Variants in CADM1 observed in about 807,000 individuals in gnomAD.
CADM1 encodes TSLC-1.
In CADM1, 15 loss-of-function variants were observed where a neutral mutation model predicts 53.1. The observed-to-expected ratio is 0.28, with a 90% CI of 0.19 to 0.44. The LOEUF is 0.44. Ranked by LOEUF, CADM1 falls within the 20% of genes least tolerant of loss-of-function variation. CADM1 has a pLI of 1.00. For synonymous variants in CADM1, 281 were observed against 243.0 expected (o/e 1.16, Z -1.45); for missense variants, 434 against 611.3 (o/e 0.71, Z 3.06).
intron 1 of CADM1, among the ~76,000 whole-genome samples, chr11:115,449,753 C>T (rs1418895056): frequency 6.6e-6 from 1 of 152,126 alleles, no homozygotes; most frequent in East Asian, 1.9e-4. Context: ...AAGCCAATGT[C>T]TAACAGAGGA....
intron 1 of CADM1, among the ~76,000 whole-genome samples, chr11:115,305,724 C>T (rs191678966): frequency 3.8e-4 from 58 of 151,756 alleles, no homozygotes; most frequent in African/African-American, 1.4e-3. Flanking sequence ...TGGGCAACAG[C>T]CTTAGAATTC....
chr11:115,486,642 G>C (rs1450154200), intron 1 of CADM1, among the ~76,000 whole-genome samples: 17 of 152,158 alleles, frequency 1.1e-4, no homozygotes, highest in Admixed American at 1.0e-3. Context: ...ATAGTACCTG[G>C]CCTTGAATTT....
chr11:115,400,632 CATAT>C (rs1325517009), intron 1 of CADM1, among the ~76,000 whole-genome samples: 7 of 81,778 alleles, frequency 8.6e-5, no homozygotes, highest in African/African-American at 3.7e-4. Context: ...ATATATGTAT[CATAT>C]ATATGTGTGT....
intron 1 of CADM1, among the ~76,000 whole-genome samples, chr11:115,339,629 T>C (rs1945370653): frequency 1.3e-5 from 2 of 152,212 alleles, no homozygotes; most frequent in Non-Finnish European, 2.9e-5. Context: ...TAGTTTTCAT[T>C]TTTAACATGT....
rs1441198377 is a variant in CADM1, at chr11:115,292,584, C to A, written c.125-52164G>T. Among the ~76,000 whole-genome samples the A allele has an allele frequency of 2.0e-5, 3 of 152,086 alleles. No homozygotes were observed. The East Asian group carries it at 5.8e-4, about 29-fold the overall frequency. On this transcript the variant is annotated intron_variant, in intron 1 of 11. Transcript: ENST00000331581. ...TAAAAATTCAGAGATGACAAAGTTTCTCCTGAAATAATAATAATCTACACT... is the reference window on the plus strand; with the variant it reads ...TAAAAATTCAGAGATGACAAAGTTTATCCTGAAATAATAATAATCTACACT...
chr11:115,322,500 C>A (rs1944849960), intron 1 of CADM1, among the ~76,000 whole-genome samples: 1 of 152,204 alleles, frequency 6.6e-6, no homozygotes, highest in Admixed American at 6.5e-5. Context: ...ACTATCACTA[C>A]TATCTAATTT....
intron 1 of CADM1, among the ~76,000 whole-genome samples, chr11:115,302,341 G>A (rs1944248691): frequency 6.6e-6 from 1 of 152,048 alleles, no homozygotes; most frequent in African/African-American, 2.4e-5. Context: ...GTCATTATGT[G>A]AAATAGAATT....
chr11:115,334,985 C>T (rs1945230035), intron 1 of CADM1, among the ~76,000 whole-genome samples: 1 of 152,078 alleles, frequency 6.6e-6, no homozygotes, highest in Admixed American at 6.6e-5. Flanking sequence ...GAAATCTGAA[C>T]TTATATCTTT....
intron 1 of CADM1, among the ~76,000 whole-genome samples, chr11:115,310,402 G>A (rs559495926): frequency 2.1e-4 from 32 of 152,138 alleles, no homozygotes; most frequent in African/African-American, 6.5e-4. Flanking sequence ...TGTTATCAAG[G>A]AATTCTTCAT....
chr11:115,458,525 T>C (rs1338009298), intron 1 of CADM1, among the ~76,000 whole-genome samples: 1 of 147,402 alleles, frequency 6.8e-6, no homozygotes, highest in Non-Finnish European at 1.5e-5. Flanking sequence ...ATTATTATTA[T>C]TATTATTACA....
At chr11:115,499,866 A>G (rs1949694539) in intron 1 of CADM1, among the ~76,000 whole-genome samples, 1 of 152,256 alleles carries the variant, frequency 6.6e-6, no homozygotes. Flanking sequence ...TACATTTTCT[A>G]TTACATAATT....
At position 115,317,413 on chromosome 11, in the gene CADM1, G is replaced by A. The variant is rs184871204; in HGVS notation, c.125-76993C>T. Among the ~76,000 whole-genome samples the A allele has an allele frequency of 1.6e-3, 240 of 152,218 alleles. 3 individuals carry two copies. Among genetic ancestry groups the A allele is most frequent in the East Asian group, 3.1e-3 (16 of 5,180 alleles). ...ACTGTGAACAACCAATGCCCTACAC[G>A]AAGGAACATTTATCACACTAACACG... is the stretch of plus-strand genomic sequence containing the variant. On this transcript the variant is annotated intron_variant, in intron 1 of 11. Transcript: ENST00000331581.
At chr11:115,444,735 A>G (rs537196490) in intron 1 of CADM1, among the ~76,000 whole-genome samples, 1 of 152,324 alleles carries the variant, frequency 6.6e-6, no homozygotes, top group South Asian at 2.1e-4. Context: ...ATATTGTGAA[A>G]TTAAATCGCT....
chr11:115,194,867 C>T (rs768059891), intron 9 of CADM1, among the ~76,000 whole-genome samples: 8 of 152,184 alleles, frequency 5.3e-5, no homozygotes, highest in East Asian at 3.9e-4. Context: ...GACACAGAAG[C>T]GCCCACATAT....
At chr11:115,424,308 C>G (rs1947833115) in intron 1 of CADM1, among the ~76,000 whole-genome samples, 1 of 152,184 alleles carries the variant, frequency 6.6e-6, no homozygotes, top group African/African-American at 2.4e-5. Context: ...CTGACAAGCA[C>G]AGAAAGTACT....
chr11:115,219,782 G>T (rs1416663257), intron 5 of CADM1, among the ~76,000 whole-genome samples: 3 of 152,160 alleles, frequency 2.0e-5, no homozygotes, highest in Admixed American at 6.5e-5. Flanking sequence ...GGCATCAGGT[G>T]TGGGTTTATT....
chr11:115,236,858 A>G (rs1942028820), intron 3 of CADM1, among the ~76,000 whole-genome samples: 1 of 152,134 alleles, frequency 6.6e-6, no homozygotes, highest in South Asian at 2.1e-4. Flanking sequence ...GAATTCTAAG[A>G]TTTTTGGTTC....
In CADM1 at chr11:115,278,768, C is replaced by T. The variant is rs149692779; in HGVS notation, c.125-38348G>A. ...TGGAGCATTGCCAGGCAAGTCAATG[C>T]TGGCCTGAACCAGGGAGGGAGGAGC... On this transcript the variant is annotated intron_variant, in intron 1 of 11. Coordinates refer to ENST00000331581, the MANE Select transcript of CADM1 (RefSeq NM_001301043.2). 3.5e-4 allele frequency among the ~76,000 whole-genome samples: 53 copies of T among 152,264 alleles called. No homozygotes were observed. In the East Asian group the frequency reaches 0.01, roughly 29 times the overall value.
Position 115,238,499 on chromosome 11 carries a change from C to T in CADM1, c.424+1G>A. The T allele has an allele frequency of 6.2e-7, 1 of 1,613,844 alleles. No homozygotes were observed. The highest frequency in any genetic ancestry group is 8.5e-7 in the Non-Finnish European group (1 of 1,179,778). On this transcript the variant is annotated splice_donor_variant, in intron 3 of 11. Coordinates refer to ENST00000331581, the MANE Select transcript of CADM1 (RefSeq NM_001301043.2). LOFTEE classifies it high-confidence loss of function. The stretch of plus-strand genomic sequence containing the variant: ...GGGTAAGCCCCACATGCGTTTCTTA[C>T]CCAGGACTGTGATGGTGGTGTAACT...
Sources: allele counts gnomAD v4.1 joint callset (sites outside exome capture counted in the v4.1 genomes callset), GRCh38; gene constraint gnomAD v4.1.1; transcripts MANE v1.5; gene names NCBI Gene and HGNC (gene_info 2026-07-23, HGNC 2026-07-21).